The following CADM2 variants were observed in gnomAD, a reference collection of about 807,000 sequenced individuals.
CADM2 encodes the protein immunoglobulin superfamily member 4D.
CADM2 carries 12 observed loss-of-function variants against 49.8 expected under a neutral mutation model. The observed-to-expected ratio is 0.24, with a 90% CI of 0.15 to 0.39. CADM2 has a LOEUF of 0.39. Among genes scored for constraint, CADM2 ranks in the 10% least tolerant of loss-of-function variants. The pLI, the probability that CADM2 is intolerant of heterozygous loss-of-function variation, is 1.00. For missense variants in CADM2, 378 were observed against 492.3 expected (o/e 0.77, Z 2.20); for synonymous variants, 214 against 175.4 (o/e 1.22, Z -1.74).
At chr3:85,578,818 A>T (rs1004751475) in intron 1 of CADM2, among the ~76,000 whole-genome samples, 1 of 152,190 alleles carries the variant, frequency 6.6e-6, no homozygotes, top group Non-Finnish European at 1.5e-5. Flanking sequence ...GTTGCTATTG[A>T]TATCAACTTT....
chr3:85,749,234 C>T (rs2068758366), intron 2 of CADM2, among the ~76,000 whole-genome samples: 1 of 151,550 alleles, frequency 6.6e-6, no homozygotes, highest in East Asian at 1.9e-4. Context: ...AAATGTATCC[C>T]CAATTTGTTA....
chr3:85,170,013 G>A (rs1021609083), intron 1 of CADM2, among the ~76,000 whole-genome samples: 2 of 152,018 alleles, frequency 1.3e-5, no homozygotes, highest in Admixed American at 1.3e-4. Context: ...CTGTGCTAAT[G>A]GTGTGGTATG....
At chr3:85,402,509 G>T (rs2035164507) in intron 1 of CADM2, among the ~76,000 whole-genome samples, 1 of 151,320 alleles carries the variant, frequency 6.6e-6, no homozygotes, top group Admixed American at 6.6e-5. Context: ...ATTTTATTTT[G>T]TGTAGGTCGC....
chr3:85,270,828 T>C (rs1043120559), intron 1 of CADM2, among the ~76,000 whole-genome samples: 2 of 151,456 alleles, frequency 1.3e-5, no homozygotes, highest in Admixed American at 6.6e-5. Context: ...TATCAAAACA[T>C]TGACTGCTTC....
chr3:85,129,264 C>T (rs2039147386), intron 1 of CADM2, among the ~76,000 whole-genome samples: 1 of 152,150 alleles, frequency 6.6e-6, no homozygotes, highest in African/African-American at 2.4e-5. Context: ...AAAGAAACCA[C>T]AAATCCTCCT....
intron 1 of CADM2, among the ~76,000 whole-genome samples, chr3:85,196,037 T>A (rs1199381299): frequency 6.6e-6 from 1 of 152,070 alleles, no homozygotes; most frequent in African/African-American, 2.4e-5. Context: ...GTCTGACAAT[T>A]ATGCACATGG....
chr3:85,832,412 G>T (rs929509065), intron 3 of CADM2, among the ~76,000 whole-genome samples: 1 of 151,900 alleles, frequency 6.6e-6, no homozygotes, highest in African/African-American at 2.4e-5. Context: ...TAGGCAGTAT[G>T]GCAATTTTAA....
At chr3:85,635,462 G>A (rs1559957009) in intron 1 of CADM2, among the ~76,000 whole-genome samples, 2 of 152,058 alleles carry the variant, frequency 1.3e-5, no homozygotes, top group Admixed American at 6.6e-5. Context: ...TTATACCTCC[G>A]ATGGTATTTC....
intron 5 of CADM2, among the ~76,000 whole-genome samples, chr3:85,888,496 G>T (rs1713982225): frequency 2.6e-5 from 4 of 152,076 alleles, no homozygotes; most frequent in Non-Finnish European, 5.9e-5. Context: ...TCAGAATATG[G>T]TTCTATGCAG....
chr3:85,281,533 A>T (rs991306877), intron 1 of CADM2, among the ~76,000 whole-genome samples: 3 of 152,058 alleles, frequency 2.0e-5, no homozygotes, highest in African/African-American at 7.2e-5. Context: ...AAAGAGTGCC[A>T]TTGTGTTAAT....
At chr3:85,277,666 A>G (rs1185369707) in intron 1 of CADM2, among the ~76,000 whole-genome samples, 1 of 151,438 alleles carries the variant, frequency 6.6e-6, no homozygotes, top group African/African-American at 2.4e-5. Context: ...CAGCCAATCT[A>G]CTGTGCAATC....
intron 1 of CADM2, among the ~76,000 whole-genome samples, chr3:85,678,880 G>A (rs1308478188): frequency 6.6e-6 from 1 of 152,094 alleles, no homozygotes; most frequent in African/African-American, 2.4e-5. Flanking sequence ...TGAGGTGGGT[G>A]GCTCCTGGCA....
chr3:85,922,112 C>T (rs941944462), intron 6 of CADM2, among the ~76,000 whole-genome samples: 1 of 151,522 alleles, frequency 6.6e-6, no homozygotes, highest in African/African-American at 2.4e-5. Context: ...CTTCCTTCTC[C>T]TCCTTCTTCT....
Position 86,067,177 on chromosome 3 carries a change from G to T in CADM2, c.*394G>T. 1 of 160,446 alleles carries T rather than the reference G, an allele frequency of 6.2e-6. No individual in the cohort carries two copies. Among genetic ancestry groups the T allele is most frequent in the Non-Finnish European group, 1.4e-5 (1 of 73,060 alleles). The allele number at this position is 160,446 out of a possible 1,614,324, so 9.9% of individuals were successfully genotyped here. A position where few individuals can be genotyped will look rare whatever the true frequency, so the allele number is the denominator to read the frequency against. ...GACCTTATCAGTTTGCCATTGGACA[G>T]CTTTCACAAGTAACAGGATTAGGGA... On this transcript the variant is annotated 3_prime_UTR_variant, in exon 10 of 10. Transcript: ENST00000383699.
chr3:85,637,559 G>A (rs933425739), intron 1 of CADM2, among the ~76,000 whole-genome samples: 4 of 143,780 alleles, frequency 2.8e-5, no homozygotes, highest in African/African-American at 5.2e-5. Flanking sequence ...CCGAGATTGC[G>A]CCACTGCAGT....
intron 1 of CADM2, among the ~76,000 whole-genome samples, chr3:85,713,544 CACTTAGGCACTCCA>C (rs1325133149): frequency 2.0e-5 from 3 of 152,106 alleles, no homozygotes; most frequent in Non-Finnish European, 4.4e-5. Context: ...AAAAGGATGC[CACTTAGGCACTCCA>C]TAAGACACTT....
At position 85,449,560 on chromosome 3, in the gene CADM2, T is replaced by TG. The variant is rs529680774; in HGVS notation, c.62-276962_62-276961insG. Among the ~76,000 whole-genome samples, 178 of 56,186 alleles carry TG rather than the reference T, an allele frequency of 3.2e-3. 1 individual carries two copies. Among genetic ancestry groups the TG allele is most frequent in the Middle Eastern group, 0.026 (3 of 116 alleles). 36.9% of individuals were successfully genotyped at this position (56,186 alleles called of 152,430 possible). On this transcript the variant is annotated intron_variant, in intron 1 of 9. Transcript: ENST00000383699. ...GTAGTATTTTCCTTGAAATATAAGGTTTTTTTTTTTCTGAGTTTTATTTCC... is the reference window on the plus strand; with the variant it reads ...GTAGTATTTTCCTTGAAATATAAGGTGTTTTTTTTTTCTGAGTTTTATTTCC...
chr3:85,198,838 A>C (rs1363135689), intron 1 of CADM2, among the ~76,000 whole-genome samples: 1 of 151,806 alleles, frequency 6.6e-6, no homozygotes, highest in African/African-American at 2.4e-5. Flanking sequence ...AAAATGGTGT[A>C]TTTCCATATT....
At chr3:85,001,131 C>T (rs555362353) in intron 1 of CADM2, among the ~76,000 whole-genome samples, 15 of 152,134 alleles carry the variant, frequency 9.9e-5, no homozygotes, top group Admixed American at 3.9e-4. Context: ...TATCTCTTCA[C>T]GATGATCTGT....
Sources: gnomAD v4.1 joint callset for allele counts (sites outside exome capture counted in the v4.1 genomes callset) on GRCh38, gnomAD v4.1.1 for gene constraint, MANE v1.5 for transcripts, NCBI Gene and HGNC (gene_info 2026-07-23, HGNC 2026-07-21) for gene names.